Variants in NRG1 observed in about 807,000 individuals in gnomAD.
The protein encoded by NRG1 is pro-neuregulin-1, membrane-bound isoform.
Under a neutral mutation model 63.8 loss-of-function variants are expected in NRG1, and 18 were observed. That is an observed-to-expected ratio of 0.28 (90% CI 0.19 to 0.42). NRG1 has a LOEUF of 0.42. NRG1 is among the 10% of genes least tolerant of loss of function. The pLI is 1.00. For synonymous variants in NRG1, 302 were observed against 301.3 expected, an observed-to-expected ratio of 1.00 and a Z score of -0.02; for missense variants, 762 against 814.7, an observed-to-expected ratio of 0.94 and a Z score of 0.79.
At chr8:31,858,319 A>G (rs1828133903) in intron 1 of NRG1, among the ~76,000 whole-genome samples, 1 of 152,034 alleles carries the variant, frequency 6.6e-6, no homozygotes, top group Admixed American at 6.6e-5. Flanking sequence ...AAACAAGTGA[A>G]GTTGCCGAAG....
At chr8:32,507,197 T>C (rs1014135284) in intron 1 of NRG1, among the ~76,000 whole-genome samples, 2 of 152,082 alleles carry the variant, frequency 1.3e-5, no homozygotes, top group Non-Finnish European at 2.9e-5. Flanking sequence ...TCTTACTAAA[T>C]AGTTGTAAGA....
chr8:32,648,410 A>C (rs1563850130), intron 5 of NRG1: 1 of 1,600,782 alleles, frequency 6.2e-7, no homozygotes, highest in East Asian at 2.2e-5. Flanking sequence ...GAGAGAGACG[A>C]TGATGATGAT....
chr8:32,218,490 A>G (rs1390668368), intron 1 of NRG1, among the ~76,000 whole-genome samples: 2 of 152,168 alleles, frequency 1.3e-5, no homozygotes, highest in South Asian at 2.1e-4. Context: ...TGATAATTTA[A>G]TTTGTCTAAA....
intron 1 of NRG1, among the ~76,000 whole-genome samples, chr8:31,946,665 G>A (rs1429009232): frequency 1.3e-5 from 2 of 152,104 alleles, no homozygotes; most frequent in Non-Finnish European, 2.9e-5. Context: ...TGTGACACTA[G>A]CCTATGGCGG....
chr8:31,852,444 C>T (rs1252845397), intron 1 of NRG1, among the ~76,000 whole-genome samples: 1 of 152,202 alleles, frequency 6.6e-6, no homozygotes, highest in Non-Finnish European at 1.5e-5. Flanking sequence ...ACGCCCACTT[C>T]TTGATGGGGT....
chr8:32,549,595 C>G (rs1216098326), intron 1 of NRG1, among the ~76,000 whole-genome samples: 1 of 152,226 alleles, frequency 6.6e-6, no homozygotes, highest in Admixed American at 6.5e-5. Flanking sequence ...AGAAAACAAC[C>G]GTTTATCTGA....
chr8:31,742,828 TG>T (rs1563349845), intron 1 of NRG1, among the ~76,000 whole-genome samples: 1 of 151,954 alleles, frequency 6.6e-6, no homozygotes, highest in Non-Finnish European at 1.5e-5. Flanking sequence ...CTTGCACATG[TG>T]GGACATTTTC....
chr8:32,054,274 G>A (rs990339529), intron 1 of NRG1, among the ~76,000 whole-genome samples: 3 of 152,268 alleles, frequency 2.0e-5, no homozygotes, highest in African/African-American at 7.2e-5. Context: ...TGCAGTGGTG[G>A]TAATTAGAGC....
intron 1 of NRG1, among the ~76,000 whole-genome samples, chr8:31,982,944 A>G (rs559373313): frequency 7.0e-4 from 106 of 152,206 alleles, no homozygotes; most frequent in Middle Eastern, 3.4e-3. Flanking sequence ...AGGGTTTTAA[A>G]AGAATGGAGA....
intron 1 of NRG1, among the ~76,000 whole-genome samples, chr8:32,158,441 T>A (rs190457121): frequency 2.5e-5 from 1 of 39,838 alleles, no homozygotes; most frequent in Non-Finnish European, 6.0e-5. Flanking sequence ...CTTTGTTTGG[T>A]TTACATGATA....
At chr8:32,249,464 A>T (rs1848886269) in intron 1 of NRG1, among the ~76,000 whole-genome samples, 1 of 152,144 alleles carries the variant, frequency 6.6e-6, no homozygotes, top group Non-Finnish European at 1.5e-5. Context: ...TTCTTAAGTG[A>T]TTTGAGCTCA....
chr8:32,369,442 TG>T (rs1808517268), intron 1 of NRG1, among the ~76,000 whole-genome samples: 1 of 152,222 alleles, frequency 6.6e-6, no homozygotes, highest in Admixed American at 6.5e-5. Flanking sequence ...GGAAAGTCAC[TG>T]GGATACTGTT....
chr8:31,643,963 A>G (rs181308277), intron 1 of NRG1, among the ~76,000 whole-genome samples: 215 of 152,302 alleles, frequency 1.4e-3, no homozygotes, highest in African/African-American at 4.9e-3. Flanking sequence ...TAGAATGAAG[A>G]TGTATACATG....
intron 1 of NRG1, among the ~76,000 whole-genome samples, chr8:32,426,907 G>A (rs1002437545): frequency 1.3e-5 from 2 of 152,072 alleles, no homozygotes; most frequent in Non-Finnish European, 2.9e-5. Flanking sequence ...CAAAAGCAAA[G>A]GTCATCTGTG....
intron 1 of NRG1, among the ~76,000 whole-genome samples, chr8:31,987,119 G>A (rs1810196040): frequency 6.6e-6 from 1 of 151,888 alleles, no homozygotes; most frequent in Admixed American, 6.6e-5. Flanking sequence ...CCAGCATGGT[G>A]AAACCCCGCC....
intron 1 of NRG1, among the ~76,000 whole-genome samples, chr8:32,246,654 A>G (rs1459439939): frequency 6.6e-6 from 1 of 152,162 alleles, no homozygotes; most frequent in Non-Finnish European, 1.5e-5. Context: ...ATCATTTTCA[A>G]ACGTGAAAGA....
At chr8:31,830,325 C>A (rs998127607) in intron 1 of NRG1, among the ~76,000 whole-genome samples, 11 of 90,112 alleles carry the variant, frequency 1.2e-4, no homozygotes, top group Admixed American at 5.0e-4. Context: ...TTCCTTCCTT[C>A]CTTCCTTCCT....
At position 32,113,861 on chromosome 8, in the gene NRG1, G is replaced by A. The variant is rs553079794; in HGVS notation, c.37+474430G>A. On this transcript the variant is annotated intron_variant, in intron 1 of 10. Coordinates refer to the NRG1 transcript ENST00000519301. ...TTGTCTCTGTGTGTATGTGTGATGT[G>A]TACCATTTCATGCTGTAAAAATGTA... 1.4e-4 allele frequency among the ~76,000 whole-genome samples: 22 copies of A among 152,298 alleles called. No homozygotes were observed. In the South Asian group the frequency reaches 4.6e-3, roughly 32 times the overall value.
chr8:32,563,824 C>T (rs576473166), intron 1 of NRG1, among the ~76,000 whole-genome samples: 24 of 152,020 alleles, frequency 1.6e-4, no homozygotes, highest in Non-Finnish European at 3.1e-4. Flanking sequence ...CTTTTTCAAC[C>T]TTGTTGATCA....
Sources: allele counts gnomAD v4.1 joint callset (sites outside exome capture counted in the v4.1 genomes callset), GRCh38; gene constraint gnomAD v4.1.1; transcripts MANE v1.5; gene names NCBI Gene and HGNC (gene_info 2026-07-23, HGNC 2026-07-21).